Variants in TLN2 observed in about 807,000 individuals in gnomAD.
The protein encoded by TLN2 is talin-2.
In TLN2, 118 loss-of-function variants were observed where a neutral mutation model predicts 294.7. The observed-to-expected ratio is 0.40, with a 90% CI of 0.34 to 0.47. The LOEUF (loss-of-function observed/expected upper bound fraction) is 0.47, where lower values mean the gene tolerates loss of function less well. Among genes scored for constraint, TLN2 ranks in the 20% least tolerant of loss-of-function variants. The pLI, the probability that TLN2 is intolerant of heterozygous loss-of-function variation, is 0.84. For missense variants in TLN2, 3,083 were observed against 3,282.2 expected, an observed-to-expected ratio of 0.94 and a Z score of 1.48; for synonymous variants, 1,431 against 1,304.5, an observed-to-expected ratio of 1.10 and a Z score of -2.09.
intron 18 of TLN2, 69 bp downstream of exon 18, chr15:62,702,269 G>A: frequency 6.7e-7 from 1 of 1,484,056 alleles, no homozygotes; most frequent in Non-Finnish European, 9.1e-7. Context: ...GGACCATGGG[G>A]CTCTTGCTTC....
At chr15:62,674,123 C>T (rs929414330) in intron 10 of TLN2, among the ~76,000 whole-genome samples, 7 of 152,182 alleles carry the variant, frequency 4.6e-5, no homozygotes, top group African/African-American at 1.7e-4. Context: ...AATGTGCATA[C>T]ATTTAATTTC....
At chr15:62,459,722 CT>C (rs1176339375) in intron 1 of TLN2, among the ~76,000 whole-genome samples, 1 of 152,126 alleles carries the variant, frequency 6.6e-6, no homozygotes, top group Non-Finnish European at 1.5e-5. Flanking sequence ...CTGGGGCAGG[CT>C]TTAGTTGTTT....
At chr15:62,729,875 T>C (rs2060625728) in intron 28 of TLN2, among the ~76,000 whole-genome samples, 1 of 152,152 alleles carries the variant, frequency 6.6e-6, no homozygotes. Flanking sequence ...CAAATTCTAT[T>C]TCCTTCCTCT....
chr15:62,440,996 G>A (rs1045684050), intron 1 of TLN2, among the ~76,000 whole-genome samples: 3 of 152,186 alleles, frequency 2.0e-5, no homozygotes, highest in Non-Finnish European at 4.4e-5. Flanking sequence ...ATAATACATA[G>A]CTGGTTCATC....
At chr15:62,550,393 C>T (rs2042231598) in intron 1 of TLN2, among the ~76,000 whole-genome samples, 1 of 152,138 alleles carries the variant, frequency 6.6e-6, no homozygotes, top group Non-Finnish European at 1.5e-5. Context: ...TCTTAGTCTG[C>T]AAGTCGGCCT....
At position 62,664,857 on chromosome 15, in the gene TLN2, C is replaced by CAAAAAAAAAAAAAAAA. The variant is rs10634187; in HGVS notation, c.788+6965_788+6980dup. ...CTGGGCAACAAGAGGGAAACTGTCT[C>CAAAAAAAAAAAAAAAA]AAAAAAAAAAAAAAAAAAAAAGTGG... On this transcript the variant is annotated intron_variant, in intron 9 of 58. Coordinates refer to ENST00000636159, the MANE Select transcript of TLN2 (RefSeq NM_015059.3). 2.4e-3 allele frequency among the ~76,000 whole-genome samples: 69 copies of CAAAAAAAAAAAAAAAA among 29,218 alleles called. 7 individuals carry two copies. Among genetic ancestry groups the CAAAAAAAAAAAAAAAA allele is most frequent in the African/African-American group, 5.2e-3 (40 of 7,738 alleles). 19.2% of individuals were successfully genotyped at this position (29,218 alleles called of 152,430 possible).
chr15:62,673,009 C>G (rs1354039587), intron 9 of TLN2, among the ~76,000 whole-genome samples: 1 of 151,408 alleles, frequency 6.6e-6, no homozygotes, highest in African/African-American at 2.4e-5. Flanking sequence ...CATAATTACT[C>G]ATTTACTTTA....
chr15:62,805,256 T>C (rs989739722), intron 50 of TLN2, among the ~76,000 whole-genome samples: 1 of 151,844 alleles, frequency 6.6e-6, no homozygotes, highest in African/African-American at 2.4e-5. Context: ...CCAGCAGGGA[T>C]GGGGGAAGAG....
chr15:62,686,375 G>A (rs2057288891), intron 11 of TLN2, among the ~76,000 whole-genome samples: 1 of 152,040 alleles, frequency 6.6e-6, no homozygotes, highest in South Asian at 2.1e-4. Flanking sequence ...CATCTTTCTG[G>A]CATCGTCTGT....
intron 22 of TLN2, 148 bp downstream of exon 22, chr15:62,712,225 G>A (rs992103619): frequency 1.3e-5 from 13 of 987,660 alleles, no homozygotes; most frequent in Non-Finnish European, 1.7e-5. Flanking sequence ...CCCTGTTCTT[G>A]TGGCAAAGGC....
In TLN2 at chr15:62,708,659, T is replaced by G. The variant is rs1425093704; in HGVS notation, c.2330T>G (p.Val777Gly). The change falls in exon 21 of 59, where the codon GTC becomes GGC. Residue 777 changes from valine (V) to glycine (G), a missense_variant. Val to Gly is a moderately radical substitution (Grantham distance 109, BLOSUM62 -3). Transcript: ENST00000636159. Reference sequence around the variant, plus strand: ...CAGGTCAGCGCAGCGGCCAGCGTGGTCAGCCAGGCCCTCCATGATCTCCTG... The same window carrying G: ...CAGGTCAGCGCAGCGGCCAGCGTGGGCAGCCAGGCCCTCCATGATCTCCTG... ...LKQVSAAASVVSQALHDLLQH... is the reference protein window; with the variant it reads ...LKQVSAAASVGSQALHDLLQH... 6.2e-7 allele frequency: 1 copy of G among 1,614,138 alleles called. No homozygotes were observed. Among genetic ancestry groups the G allele is most frequent in the Non-Finnish European group, 8.5e-7 (1 of 1,180,040 alleles).
intron 51 of TLN2, among the ~76,000 whole-genome samples, chr15:62,808,989 C>CT (rs1182072457): frequency 3.9e-5 from 6 of 152,160 alleles, no homozygotes; most frequent in Non-Finnish European, 8.8e-5. Flanking sequence ...TTGCCCTCAG[C>CT]TTTTACCTTT....
rs776540984 is a variant in TLN2 at position 62,530,328 on chromosome 15, G to GTTTA, written c.-237-59344_-237-59341dup. ...GGAATATAAATGTATTTGTTTGTTTGTTTATTTATTTATTTATTCATGTAT... is the reference window on the plus strand; with the variant it reads ...GGAATATAAATGTATTTGTTTGTTTGTTTATTTATTTATTTATTTATTCATGTAT... On this transcript the variant is annotated intron_variant, in intron 1 of 58. Coordinates refer to ENST00000636159, the MANE Select transcript of TLN2 (RefSeq NM_015059.3). Among the ~76,000 whole-genome samples, 171 of 151,264 alleles carry GTTTA rather than the reference G, an allele frequency of 1.1e-3. 2 individuals are homozygous for GTTTA. The highest frequency in any genetic ancestry group is 7.7e-3 in the South Asian group (37 of 4,808).
At chr15:62,827,476 G>C (rs2068325330) in intron 54 of TLN2, among the ~76,000 whole-genome samples, 1 of 152,188 alleles carries the variant, frequency 6.6e-6, no homozygotes, top group African/African-American at 2.4e-5. Context: ...ACAGAAAACT[G>C]AGTAACTGAT....
At chr15:62,609,727 G>T (rs1202622274) in intron 2 of TLN2, among the ~76,000 whole-genome samples, 1 of 152,190 alleles carries the variant, frequency 6.6e-6, no homozygotes, top group Non-Finnish European at 1.5e-5. Flanking sequence ...CTTGACGGAG[G>T]TTTGACTGAG....
chr15:62,701,482 A>G (rs564768637), intron 17 of TLN2, among the ~76,000 whole-genome samples: 1 of 152,254 alleles, frequency 6.6e-6, no homozygotes, highest in South Asian at 2.1e-4. Flanking sequence ...AGTGTGCCGG[A>G]CATACTGCAA....
At position 62,776,814 on chromosome 15, in the gene TLN2, A is replaced by C. The variant is rs1219460637; in HGVS notation, c.5418A>C (p.Glu1806Asp). The change falls in exon 43 of 59, where the codon GAA (glutamate) becomes GAC (aspartate). Residue 1806 changes from glutamate to aspartate, a missense_variant. Glu to Asp is a conservative substitution (Grantham distance 45). Coordinates refer to ENST00000636159, the MANE Select transcript of TLN2 (RefSeq NM_015059.3). ...AITEAAQLMK[E>D]AVDDIMVTLN... ...CAGAGGCCGCCCAGTTGATGAAGGA[A>C]GCCGTGGATGACATCATGGTGACGC... 6.3e-7 allele frequency: 1 copy of C among 1,599,558 alleles called. No individual in the cohort carries two copies. Among genetic ancestry groups the C allele is most frequent in the Admixed American group, 1.7e-5 (1 of 58,190 alleles).
At chr15:62,527,680 A>G (rs1375145538) in intron 1 of TLN2, among the ~76,000 whole-genome samples, 1 of 152,226 alleles carries the variant, frequency 6.6e-6, no homozygotes, top group Non-Finnish European at 1.5e-5. Context: ...ATGCATGCAC[A>G]ATTATGTCTG....
At chr15:62,594,521 G>A (rs2046327076) in intron 2 of TLN2, among the ~76,000 whole-genome samples, 1 of 152,100 alleles carries the variant, frequency 6.6e-6, no homozygotes, top group Non-Finnish European at 1.5e-5. Flanking sequence ...CACCTCAATT[G>A]ATTTTTGACA....
Sources: gnomAD v4.1 joint callset for allele counts (sites outside exome capture counted in the v4.1 genomes callset) on GRCh38, gnomAD v4.1.1 for gene constraint, MANE v1.5 for transcripts, NCBI Gene and HGNC (gene_info 2026-07-23, HGNC 2026-07-21) for gene names.